The following PRKN variants were observed in gnomAD, a reference collection of about 807,000 sequenced individuals.
PRKN encodes E3 ubiquitin-protein ligase parkin.
Under a neutral mutation model 59.5 loss-of-function variants are expected in PRKN, and 56 were observed. That is an observed-to-expected ratio of 0.94 (90% CI 0.76 to 1.18). The LOEUF (loss-of-function observed/expected upper bound fraction) is 1.18, where lower values mean the gene tolerates loss of function less well. Among genes scored for constraint, PRKN ranks in the 50% most tolerant of loss-of-function variants. PRKN has a pLI of 0.00. For missense variants in PRKN, 657 were observed against 596.4 expected (o/e 1.10, Z -1.06); for synonymous variants, 250 against 222.1 (o/e 1.13, Z -1.12).
chr6:161,639,170 T>G (rs1019139241), intron 7 of PRKN, among the ~76,000 whole-genome samples: 1 of 152,216 alleles, frequency 6.6e-6, no homozygotes, highest in Non-Finnish European at 1.5e-5. Flanking sequence ...TGTGGAACTT[T>G]GAGTCAATTA....
rs138000353 is a variant in PRKN at position 162,341,134 on chromosome 6, C to G, written c.172-78369G>C. 6.2e-3 allele frequency among the ~76,000 whole-genome samples: 942 copies of G among 152,068 alleles called. 6 individuals carry two copies. Among genetic ancestry groups the G allele is most frequent in the African/African-American group, 0.022 (899 of 41,510 alleles). On this transcript the variant is annotated intron_variant, in intron 2 of 11. Coordinates refer to ENST00000366898, the MANE Select transcript of PRKN (RefSeq NM_004562.3). ...ACAGACACTTCTCAAGACATTTATGCGGCCAAGAAACATATGAAAAAAAGC... is the reference window on the plus strand; with the variant it reads ...ACAGACACTTCTCAAGACATTTATGGGGCCAAGAAACATATGAAAAAAAGC...
Position 161,460,341 on chromosome 6 carries a change from T to C in PRKN, c.1084-73464A>G, listed in dbSNP as rs1790146586. On this transcript the variant is annotated intron_variant, in intron 9 of 11. Transcript: ENST00000366898. The surrounding 1 kb of genome is among the most constrained non-coding windows in gnomAD (Gnocchi z 5.0). The stretch of plus-strand genomic sequence containing the variant: ...TGGGTTAGATATTGCTTGGGAATAA[T>C]GGGCAAAGGAGGTGCCATACTCCCT... Among the ~76,000 whole-genome samples the C allele has an allele frequency of 2.0e-5, 3 of 152,158 alleles. No individual in the cohort carries two copies.
intron 1 of PRKN, among the ~76,000 whole-genome samples, chr6:162,476,831 TCTC>T (rs1792046426): frequency 1.3e-5 from 2 of 152,258 alleles, no homozygotes; most frequent in African/African-American, 4.8e-5. Flanking sequence ...CACCTAGAGT[TCTC>T]CTCATCGTGT....
chr6:162,202,711 T>C (rs966796016), intron 3 of PRKN, among the ~76,000 whole-genome samples: 1 of 152,236 alleles, frequency 6.6e-6, no homozygotes, highest in Non-Finnish European at 1.5e-5. Context: ...CATGTATTAA[T>C]GTTATAGAAA....
intron 9 of PRKN, among the ~76,000 whole-genome samples, chr6:161,439,040 T>C (rs1384863842): frequency 1.3e-5 from 2 of 152,194 alleles, no homozygotes; most frequent in Non-Finnish European, 2.9e-5. Context: ...AAGTCGCATT[T>C]CTTTCAGAAA....
intron 6 of PRKN, among the ~76,000 whole-genome samples, chr6:161,823,107 T>C (rs1042961245): frequency 5.3e-5 from 8 of 150,560 alleles, no homozygotes; most frequent in Non-Finnish European, 1.2e-4. Context: ...GCTAATTTTT[T>C]TTTTTTTTTT....
intron 7 of PRKN, among the ~76,000 whole-genome samples, chr6:161,738,159 T>C (rs1788042362): frequency 6.6e-6 from 1 of 152,186 alleles, no homozygotes; most frequent in African/African-American, 2.4e-5. Flanking sequence ...TTTCTATAAA[T>C]AGTAAAATAT....
At position 161,360,261 on chromosome 6, in the gene PRKN, A is replaced by T; in HGVS notation, c.1168-56T>A. The T allele has an allele frequency of 1.5e-6, 2 of 1,349,442 alleles. No homozygotes were observed. Among genetic ancestry groups the T allele is most frequent in the Non-Finnish European group, 2.1e-6 (2 of 937,940 alleles). The allele number at this position is 1,349,442 out of a possible 1,614,324, so 83.6% of individuals were successfully genotyped here. A position where few individuals can be genotyped will look rare whatever the true frequency, so the allele number is the denominator to read the frequency against. ...CTCAGCTTTCTATTACTGGGATCAG[A>T]GTTTATGTTCCCTGTACGTCGGTAC... On this transcript the variant is annotated intron_variant, in intron 10 of 11. Coordinates refer to ENST00000366898, the MANE Select transcript of PRKN (RefSeq NM_004562.3). This position sits in a 1 kb window ranked among gnomAD's most constrained non-coding sequence, Gnocchi z 5.1.
Position 161,555,991 on chromosome 6 carries a change from C to T in PRKN, c.934-6988G>A, listed in dbSNP as rs144754822. On this transcript the variant is annotated intron_variant, in intron 8 of 11. Coordinates refer to ENST00000366898, the MANE Select transcript of PRKN (RefSeq NM_004562.3). ...TATTTTCTCATTTGACAACACATCA[C>T]CTAGTCTATTTAATTTAGTTAGGTA... Among the ~76,000 whole-genome samples the T allele has an allele frequency of 3.0e-3, 456 of 152,262 alleles. 1 individual carries two copies. The highest frequency in any genetic ancestry group is 0.011 in the African/African-American group (444 of 41,560).
intron 2 of PRKN, among the ~76,000 whole-genome samples, chr6:162,284,215 CTTTT>C (rs35609309): frequency 0.051 from 3,860 of 75,332 alleles, 55 homozygotes; most frequent in African/African-American, 0.1. Flanking sequence ...TTATTTCTTT[CTTTT>C]TTTTTTTTTT....
chr6:161,787,300 G>A (rs111346489), intron 6 of PRKN, among the ~76,000 whole-genome samples: 4,047 of 152,212 alleles, frequency 0.027, 173 homozygotes, highest in African/African-American at 0.088. Context: ...TAATGCCATG[G>A]ATGTGTAAGT....
rs77743304 is a variant in PRKN, at chr6:162,333,925, C to T, written c.172-71160G>A. ...TACTCCAGTGAACACACAAACGAAA[C>T]GAAAGCAAACAGCCATATTGCTGAT... On this transcript the variant is annotated intron_variant, in intron 2 of 11. Transcript: ENST00000366898. Among the ~76,000 whole-genome samples, 468 of 152,222 alleles carry T rather than the reference C, an allele frequency of 3.1e-3. 8 individuals are homozygous for T. The highest frequency in any genetic ancestry group is 0.027 in the Middle Eastern group (8 of 294).
chr6:161,695,430 G>A (rs1455434031), intron 7 of PRKN, among the ~76,000 whole-genome samples: 1 of 152,242 alleles, frequency 6.6e-6, no homozygotes, highest in South Asian at 2.1e-4. Context: ...CCCACTTCTT[G>A]GTGTACTAGT....
intron 1 of PRKN, among the ~76,000 whole-genome samples, chr6:162,648,447 T>C (rs1008979791): frequency 6.6e-6 from 1 of 150,962 alleles, no homozygotes; most frequent in Admixed American, 6.6e-5. Context: ...AGTGGTGCCA[T>C]CTTGACTCAC....
intron 1 of PRKN, among the ~76,000 whole-genome samples, chr6:162,594,679 T>C (rs1359235580): frequency 1.5e-5 from 2 of 136,018 alleles, no homozygotes; most frequent in Non-Finnish European, 1.6e-5. Flanking sequence ...AGTTCACTGT[T>C]AGTTACAGAA....
intron 2 of PRKN, among the ~76,000 whole-genome samples, chr6:162,264,290 T>A: frequency 6.6e-6 from 1 of 151,858 alleles, no homozygotes; most frequent in South Asian, 2.1e-4. Context: ...AAAAATAAAA[T>A]TAAATTAAAT....
At chr6:162,246,154 T>C (rs1055340699) in intron 3 of PRKN, among the ~76,000 whole-genome samples, 2 of 152,140 alleles carry the variant, frequency 1.3e-5, no homozygotes, top group African/African-American at 2.4e-5. Context: ...AAAATTCCTA[T>C]GTTGAAGCTC....
intron 2 of PRKN, among the ~76,000 whole-genome samples, chr6:162,297,723 C>T (rs973436169): frequency 6.6e-6 from 1 of 151,950 alleles, no homozygotes; most frequent in African/African-American, 2.4e-5. Context: ...CCACATAGGA[C>T]AAGGAGAGAC....
intron 2 of PRKN, among the ~76,000 whole-genome samples, chr6:162,354,628 T>TC: frequency 6.6e-6 from 1 of 152,090 alleles, no homozygotes; most frequent in Non-Finnish European, 1.5e-5. Flanking sequence ...TGGCCAATTA[T>TC]ATTTCCAATG....
Sources: gnomAD v4.1 joint callset for allele counts (sites outside exome capture counted in the v4.1 genomes callset) on GRCh38, gnomAD v4.1.1 for gene constraint, Gnocchi (gnomAD v3.1) non-coding constraint, MANE v1.5 for transcripts, NCBI Gene and HGNC (gene_info 2026-07-23, HGNC 2026-07-21) for gene names.